Variants in LAMA2 observed in about 807,000 individuals in gnomAD.
LAMA2 encodes the protein laminin subunit alpha 2, also known as laminin subunit alpha-2.
A neutral mutation model predicts 364.8 loss-of-function variants in LAMA2; 269 were observed. That is an observed-to-expected ratio of 0.74 (90% CI 0.67 to 0.82). The LOEUF (loss-of-function observed/expected upper bound fraction) is 0.82. LAMA2 is among the 40% of genes least tolerant of loss of function. The pLI is 0.00. For missense variants in LAMA2, 3,807 were observed against 3,873.2 expected (o/e 0.98, Z 0.45); for synonymous variants, 1,379 against 1,370.6 (o/e 1.01, Z -0.14).
intron 58 of LAMA2, among the ~76,000 whole-genome samples, chr6:129,496,197 A>T (rs1785178572): frequency 6.6e-6 from 1 of 151,770 alleles, no homozygotes; most frequent in Non-Finnish European, 1.5e-5. Flanking sequence ...ATGGAGTTTC[A>T]CTCTTGCTAC....
intron 12 of LAMA2, among the ~76,000 whole-genome samples, chr6:129,205,493 T>TATATATATATATATATATATATAC (rs1343472728): frequency 1.4e-3 from 143 of 104,182 alleles, no homozygotes; most frequent in African/African-American, 2.1e-3. Context: ...TATATATATA[T>TATATATATATATATATATATATAC]ACACACACAC....
In LAMA2 at chr6:128,928,044, A is replaced by G. The variant is rs138525576; in HGVS notation, c.112+44687A>G. The stretch of plus-strand genomic sequence containing the variant: ...TGGGACAGGCAATGGGGAGTTAAGC[A>G]GTCATCATAAAGGAATCAATGTACA... On this transcript the variant is annotated intron_variant, in intron 1 of 64. Transcript: ENST00000421865. Among the ~76,000 whole-genome samples the G allele has an allele frequency of 8.1e-3, 1,229 of 152,354 alleles. 14 individuals are homozygous for G. The highest frequency in any genetic ancestry group is 0.027 in the African/African-American group (1,128 of 41,566).
chr6:129,208,123 G>A (rs1188238798), intron 12 of LAMA2, among the ~76,000 whole-genome samples: 3 of 152,064 alleles, frequency 2.0e-5, no homozygotes, highest in African/African-American at 4.8e-5. Flanking sequence ...TAAAATAGGG[G>A]GTGGACATTT....
At chr6:129,078,709 G>T (rs1465079826) in intron 3 of LAMA2, among the ~76,000 whole-genome samples, 1 of 152,046 alleles carries the variant, frequency 6.6e-6, no homozygotes, top group Non-Finnish European at 1.5e-5. Context: ...AGTGTACATT[G>T]TTGTGCAACC....
intron 15 of LAMA2, 86 bp from the exon 16 acceptor site, chr6:129,267,020 C>G (rs1787566110): frequency 4.7e-6 from 4 of 858,250 alleles, no homozygotes; most frequent in Admixed American, 1.7e-5. Flanking sequence ...CTGTTATTTT[C>G]TGTTATCAGA....
intron 3 of LAMA2, among the ~76,000 whole-genome samples, chr6:129,072,936 TTTTG>T (rs1378197872): frequency 8.5e-5 from 13 of 152,268 alleles, no homozygotes; most frequent in East Asian, 3.9e-4. Flanking sequence ...CCTTTAACTT[TTTTG>T]TTTATTTTTT....
chr6:128,883,801 T>TACAC (rs71543146), intron 1 of LAMA2, among the ~76,000 whole-genome samples: 2,792 of 135,968 alleles, frequency 0.021, 36 homozygotes, highest in South Asian at 0.038. Context: ...TATATATATA[T>TACAC]ACACACACAC....
chr6:129,474,221 A>G (rs934159597), intron 52 of LAMA2, among the ~76,000 whole-genome samples: 2 of 152,278 alleles, frequency 1.3e-5, no homozygotes, highest in South Asian at 4.1e-4. Flanking sequence ...GAAAAATCCC[A>G]GAATAGCTGA....
At chr6:129,316,240 T>C (rs1185051684) in intron 27 of LAMA2, 69 bp downstream of exon 27, 35 of 1,229,734 alleles carry the variant, frequency 2.8e-5, no homozygotes, top group South Asian at 1.2e-5. Context: ...GACCTACAGA[T>C]ATCAGATAAG....
chr6:129,150,480 T>G (rs1181285600), intron 7 of LAMA2, among the ~76,000 whole-genome samples: 1 of 152,200 alleles, frequency 6.6e-6, no homozygotes, highest in Non-Finnish European at 1.5e-5. Context: ...CAGTGATAAT[T>G]GTGTAATGTT....
rs893207745 is a variant in LAMA2, at chr6:129,452,963, T to C, written c.6430-25T>C. The C allele has an allele frequency of 2.5e-6, 4 of 1,607,384 alleles. No homozygotes were observed. The Admixed American group carries it at 6.7e-5, about 27-fold the overall frequency. On this transcript the variant is annotated intron_variant, in intron 45 of 64. Coordinates refer to ENST00000421865, the MANE Select transcript of LAMA2 (RefSeq NM_000426.4). Reference sequence around the variant, plus strand: ...ACTTTCTGAGAGATTTACTCTTGGTTCTTTGTATCTTGTTTTTTTTAAAGA... The same window carrying C: ...ACTTTCTGAGAGATTTACTCTTGGTCCTTTGTATCTTGTTTTTTTTAAAGA...
chr6:129,180,170 A>G (rs2115019505), intron 10 of LAMA2, among the ~76,000 whole-genome samples: 1 of 152,258 alleles, frequency 6.6e-6, no homozygotes, highest in East Asian at 1.9e-4. Context: ...GATTGTAAAA[A>G]CAGCATGGAT....
chr6:129,142,666 G>A (rs940487304), intron 4 of LAMA2, among the ~76,000 whole-genome samples: 5 of 151,900 alleles, frequency 3.3e-5, no homozygotes, highest in Non-Finnish European at 7.4e-5. Context: ...TTCTAATTTT[G>A]ATAGTTACTG....
intron 17 of LAMA2, among the ~76,000 whole-genome samples, chr6:129,276,261 A>G (rs994831644): frequency 6.6e-6 from 1 of 152,114 alleles, no homozygotes; most frequent in Non-Finnish European, 1.5e-5. Flanking sequence ...TAATTAGTTG[A>G]AAGGAGTCCT....
At chr6:129,069,715 A>G (rs1248577569) in intron 3 of LAMA2, among the ~76,000 whole-genome samples, 3 of 148,436 alleles carry the variant, frequency 2.0e-5, no homozygotes, top group African/African-American at 4.9e-5. Flanking sequence ...TAGAACTAAT[A>G]TAATTGTAAA....
intron 1 of LAMA2, among the ~76,000 whole-genome samples, chr6:128,998,471 T>C (rs1218284127): frequency 1.4e-5 from 1 of 72,888 alleles, no homozygotes; most frequent in Admixed American, 1.1e-4. Flanking sequence ...GATTTCTGCA[T>C]TTCCATCTGA....
At chr6:129,048,766 C>T (rs1387977097) in intron 1 of LAMA2, among the ~76,000 whole-genome samples, 1 of 151,666 alleles carries the variant, frequency 6.6e-6, no homozygotes, top group Non-Finnish European at 1.5e-5. Flanking sequence ...AGATGCCCAC[C>T]ACCACGCCCT....
At chr6:129,474,386 C>T (rs960284218) in intron 52 of LAMA2, among the ~76,000 whole-genome samples, 1 of 152,054 alleles carries the variant, frequency 6.6e-6, no homozygotes, top group Non-Finnish European at 1.5e-5. Flanking sequence ...CTTCATGGTG[C>T]AAATAAATTG....
intron 12 of LAMA2, among the ~76,000 whole-genome samples, chr6:129,195,879 T>C (rs1470026374): frequency 1.3e-5 from 2 of 152,224 alleles, no homozygotes; most frequent in African/African-American, 4.8e-5. Flanking sequence ...AACTAAGTGC[T>C]ACTGGAACAT....
Sources: allele counts gnomAD v4.1 joint callset (sites outside exome capture counted in the v4.1 genomes callset), GRCh38; gene constraint gnomAD v4.1.1; transcripts MANE v1.5; gene names NCBI Gene and HGNC (gene_info 2026-07-23, HGNC 2026-07-21).